The following NTSR1 variants were observed in gnomAD, a reference collection of about 807,000 sequenced individuals.
NTSR1 encodes the protein neurotensin receptor type 1.
A neutral mutation model predicts 31.2 loss-of-function variants in NTSR1; 29 were observed. That is an observed-to-expected ratio of 0.93 (90% CI 0.69 to 1.27). The LOEUF is 1.27. Among genes scored for constraint, NTSR1 ranks in the 50% most tolerant of loss-of-function variants. The pLI, the probability that NTSR1 is intolerant of heterozygous loss-of-function variation, is 0.00. For missense variants in NTSR1, 697 were observed against 595.4 expected, an observed-to-expected ratio of 1.17 and a Z score of -1.78; for synonymous variants, 282 against 269.9, an observed-to-expected ratio of 1.04 and a Z score of -0.44.
At chr20:62,755,333 CTCCA>C (rs201109595) in intron 2 of NTSR1, among the ~76,000 whole-genome samples, 15 of 105,402 alleles carry the variant, frequency 1.4e-4, no homozygotes, top group South Asian at 7.7e-4. Flanking sequence ...TCCTCCCTCC[CTCCA>C]TCCATCCATC....
intron 1 of NTSR1, among the ~76,000 whole-genome samples, chr20:62,752,336 C>T (rs1411208668): frequency 6.6e-6 from 1 of 152,226 alleles, no homozygotes; most frequent in Admixed American, 6.5e-5. Flanking sequence ...AAGGACGGCG[C>T]AAGCCAAAGC....
At chr20:62,738,366 G>T (rs1244723105) in intron 1 of NTSR1, among the ~76,000 whole-genome samples, 1 of 152,230 alleles carries the variant, frequency 6.6e-6, no homozygotes, top group African/African-American at 2.4e-5. Context: ...GCCCGGCTTG[G>T]GGAGAAGCCT....
intron 1 of NTSR1, among the ~76,000 whole-genome samples, chr20:62,751,566 C>T (rs988805783): frequency 1.3e-5 from 2 of 152,252 alleles, no homozygotes; most frequent in Non-Finnish European, 2.9e-5. Flanking sequence ...ACGGCACTGA[C>T]GGCCACGGAT....
intron 1 of NTSR1, among the ~76,000 whole-genome samples, chr20:62,722,474 A>G (rs2147134738): frequency 6.6e-6 from 1 of 152,230 alleles, no homozygotes; most frequent in South Asian, 2.1e-4. Flanking sequence ...CTTGTTCTGT[A>G]CACGCTGGGC....
chr20:62,711,611 G>A lies in NTSR1; in HGVS notation c.714+1690G>A, dbSNP rs1012291631. Among the ~76,000 whole-genome samples, 6 of 81,800 alleles carry A rather than the reference G, an allele frequency of 7.3e-5. No homozygotes were observed. The highest frequency in any genetic ancestry group is 9.6e-5 in the African/African-American group (2 of 20,802). 53.7% of individuals were successfully genotyped at this position (81,800 alleles called of 152,430 possible). On this transcript the variant is annotated intron_variant, in intron 1 of 3. Transcript: ENST00000370501. The surrounding 1 kb of genome is among the most constrained non-coding windows in gnomAD (Gnocchi z 6.4). ...CCCCGATCCCCCCGCTCAGAACCCCGATCCCCCTGCTCCCCTGGCAAAAGG... is the reference window on the plus strand; with the variant it reads ...CCCCGATCCCCCCGCTCAGAACCCCAATCCCCCTGCTCCCCTGGCAAAAGG...
intron 1 of NTSR1, among the ~76,000 whole-genome samples, chr20:62,717,542 C>T (rs1988753683): frequency 6.6e-6 from 1 of 152,176 alleles, no homozygotes; most frequent in South Asian, 2.1e-4. Flanking sequence ...AGCGATTGCC[C>T]TGCAGTCTCA....
At position 62,759,121 on chromosome 20, in the gene NTSR1, C is replaced by A. The variant is rs114056117; in HGVS notation, c.1007+765C>A. 4.2e-3 allele frequency among the ~76,000 whole-genome samples: 642 copies of A among 152,322 alleles called. 2 individuals carry two copies. The highest frequency in any genetic ancestry group is 0.015 in the African/African-American group (611 of 41,570). On this transcript the variant is annotated intron_variant, in intron 3 of 3. Transcript: ENST00000370501. ...TTTCTGTGCAGTGGGGCTGCCAGAT[C>A]CCAGAATAAAAGGTTCCTTCCAGTG...
chr20:62,717,201 A>G (rs540387532), intron 1 of NTSR1, among the ~76,000 whole-genome samples: 3 of 152,258 alleles, frequency 2.0e-5, no homozygotes, highest in African/African-American at 7.2e-5. Context: ...TGCCACGTGG[A>G]CCTGGCACAG....
intron 3 of NTSR1, among the ~76,000 whole-genome samples, chr20:62,759,792 A>G (rs1012735460): frequency 5.7e-5 from 7 of 123,174 alleles, no homozygotes; most frequent in Non-Finnish European, 9.2e-5. Context: ...AAAAAAAAGC[A>G]GCAGCAGCCC....
chr20:62,732,062 G>A lies in NTSR1; in HGVS notation c.714+22141G>A, dbSNP rs1452504836. On this transcript the variant is annotated intron_variant, in intron 1 of 3. Coordinates refer to ENST00000370501, the MANE Select transcript of NTSR1 (RefSeq NM_002531.3). This position sits in a 1 kb window ranked among gnomAD's most constrained non-coding sequence, Gnocchi z 4.0. ...TTGAACCCAGGAGGCAGAGGCTGCA[G>A]TGAGCCAAGATTGTGTCACCATACT... is the stretch of plus-strand genomic sequence containing the variant. 6.6e-6 allele frequency among the ~76,000 whole-genome samples: 1 copy of A among 151,398 alleles called. No individual in the cohort carries two copies. Among genetic ancestry groups the A allele is most frequent in the African/African-American group, 2.4e-5 (1 of 41,108 alleles).
intron 1 of NTSR1, among the ~76,000 whole-genome samples, chr20:62,746,819 C>T (rs1207704951): frequency 2.0e-5 from 3 of 152,220 alleles, no homozygotes; most frequent in South Asian, 2.1e-4. Flanking sequence ...CAGGTTGCTT[C>T]GCCGATGGAT....
rs1007265718 is a variant in NTSR1, at chr20:62,744,398, C to CA, written c.715-10280dup. ...TGAAACCCTGTCTCTACTAAAAATA[C>CA]AAAAAAATTAGCCAGGCATGGCGGC... On this transcript the variant is annotated intron_variant, in intron 1 of 3. Transcript: ENST00000370501. This position sits in a 1 kb window ranked among gnomAD's most constrained non-coding sequence, Gnocchi z 4.1. Among the ~76,000 whole-genome samples the CA allele has an allele frequency of 8.2e-4, 125 of 151,994 alleles. No individual in the cohort carries two copies. Among genetic ancestry groups the CA allele is most frequent in the Non-Finnish European group, 1.5e-3 (101 of 67,958 alleles).
chr20:62,740,783 C>T (rs1458647880), intron 1 of NTSR1, among the ~76,000 whole-genome samples: 2 of 152,166 alleles, frequency 1.3e-5, no homozygotes, highest in African/African-American at 4.8e-5. Context: ...AAAGCCCTGT[C>T]GTGCTTCCCA....
At chr20:62,751,604 A>G (rs921806825) in intron 1 of NTSR1, among the ~76,000 whole-genome samples, 5 of 152,256 alleles carry the variant, frequency 3.3e-5, no homozygotes, top group Non-Finnish European at 7.3e-5. Context: ...AGCCCAGGCA[A>G]AGCTGGTGTC....
intron 1 of NTSR1, chr20:62,735,387 T>G (rs1989073121): frequency 6.6e-6 from 1 of 152,216 alleles, no homozygotes; most frequent in African/African-American, 2.4e-5. Flanking sequence ...GAGGTGGGAC[T>G]GCGAGGGAAG....
At chr20:62,739,946 T>C (rs1430917968) in intron 1 of NTSR1, among the ~76,000 whole-genome samples, 1 of 152,252 alleles carries the variant, frequency 6.6e-6, no homozygotes, top group African/African-American at 2.4e-5. Flanking sequence ...AGTTAAGTCG[T>C]GCTGGGACTG....
chr20:62,755,282 T>A (rs1402874022), intron 2 of NTSR1, among the ~76,000 whole-genome samples: 1 of 111,900 alleles, frequency 8.9e-6, no homozygotes, highest in African/African-American at 3.3e-5. Flanking sequence ...CCTCTCTCCC[T>A]CCTTCCCTCC....
At chr20:62,752,960 C>G (rs887531256) in intron 1 of NTSR1, among the ~76,000 whole-genome samples, 1 of 152,186 alleles carries the variant, frequency 6.6e-6, no homozygotes, top group Admixed American at 6.5e-5. Flanking sequence ...GCCACCCAGC[C>G]AGGGTCAGCA....
chr20:62,754,475 G>A (rs1989445401), intron 1 of NTSR1, among the ~76,000 whole-genome samples: 1 of 152,182 alleles, frequency 6.6e-6, no homozygotes, highest in African/African-American at 2.4e-5. Context: ...AGGCAGGGTC[G>A]GGGGCAGGCT....
Sources: gnomAD v4.1 joint callset for allele counts (sites outside exome capture counted in the v4.1 genomes callset) on GRCh38, gnomAD v4.1.1 for gene constraint, Gnocchi (gnomAD v3.1) non-coding constraint, MANE v1.5 for transcripts, NCBI Gene and HGNC (gene_info 2026-07-23, HGNC 2026-07-21) for gene names.